SAMSN1: variants seen among roughly 807,000 people sequenced by gnomAD.
SAMSN1 encodes the protein SAM domain-containing protein SAMSN-1.
In SAMSN1, 31 loss-of-function variants were observed where a neutral mutation model predicts 42.0. The ratio of observed to expected loss-of-function variants is 0.74; its 90% CI spans 0.55 to 1.00. The LOEUF is 1.00. Ranked by LOEUF, SAMSN1 falls within the 50% of genes least tolerant of loss-of-function variation. The pLI is 0.00. For synonymous variants in SAMSN1, 178 were observed against 151.9 expected (o/e 1.17, Z -1.26); for missense variants, 464 against 439.4 (o/e 1.06, Z -0.50).
intron 2 of SAMSN1, among the ~76,000 whole-genome samples, chr21:14,570,494 A>G (rs1246323888): frequency 6.6e-6 from 1 of 152,204 alleles, no homozygotes; most frequent in Non-Finnish European, 1.5e-5. Flanking sequence ...TAAAAATTAA[A>G]GGACAGATTT....
chr21:14,592,012 A>G (rs1982100729), intron 7 of SAMSN1: 1 of 152,158 alleles, frequency 6.6e-6, no homozygotes, highest in Non-Finnish European at 1.5e-5. Flanking sequence ...ACTGACCTAT[A>G]GCTTTGGGTC....
chr21:14,591,328 A>G (rs1421161413), intron 7 of SAMSN1: 2 of 152,172 alleles, frequency 1.3e-5, no homozygotes, highest in Admixed American at 6.5e-5. Flanking sequence ...TCAGATGAGG[A>G]CCTAATTTAT....
upstream of SAMSN1, among the ~76,000 whole-genome samples, chr21:14,584,982 G>T (rs1449376077): frequency 3.9e-5 from 6 of 152,102 alleles, no homozygotes; most frequent in African/African-American, 1.4e-4. Context: ...ATCTGTCTCT[G>T]CAAAATAGCA....
rs201408472 is a variant in SAMSN1, at chr21:14,614,498, C to CT, written c.197+1477dup. ...GTGGGTAAACACACATATCTCATCA[C>CT]TAACTGTTACAGCTTAAGTGTTTCC... On this transcript the variant is annotated intron_variant, in intron 3 of 15. Coordinates refer to the SAMSN1 transcript ENST00000647101. 3.9e-3 allele frequency among the ~76,000 whole-genome samples: 596 copies of CT among 152,192 alleles called. 1 individual carries two copies. Among genetic ancestry groups the CT allele is most frequent in the African/African-American group, 0.014 (565 of 41,508 alleles).
rs567753740 is a variant in SAMSN1 at position 14,498,658 on chromosome 21, A to C, written c.769-66T>G. On this transcript the variant is annotated intron_variant, in intron 6 of 7. Transcript: ENST00000400566. ...ATATTTTATTTTTAGTTCTCTTTAG[A>C]TTTAAAGAAAGTATAGAGATGCACA... is the stretch of plus-strand genomic sequence containing the variant. 11 of 1,336,540 alleles carry C rather than the reference A, an allele frequency of 8.2e-6. No homozygotes were observed. In the African/African-American group the frequency reaches 1.7e-4, roughly 20 times the overall value. 82.8% of individuals were successfully genotyped at this position (1,336,540 alleles called of 1,614,324 possible). A position where few individuals can be genotyped will look rare whatever the true frequency, so the allele number is the denominator to read the frequency against.
intron 5 of SAMSN1, among the ~76,000 whole-genome samples, chr21:14,606,145 G>A (rs1257564802): frequency 6.6e-6 from 1 of 152,000 alleles, no homozygotes; most frequent in Admixed American, 6.6e-5. Flanking sequence ...CGGTCAAGAA[G>A]ATTTATTTTT....
At chr21:14,493,755 T>C (rs1238893019) in intron 7 of SAMSN1, among the ~76,000 whole-genome samples, 1 of 152,204 alleles carries the variant, frequency 6.6e-6, no homozygotes, top group Non-Finnish European at 1.5e-5. Flanking sequence ...GAGCTGCATC[T>C]CACTCCAATT....
chr21:14,527,994 T>C (rs1225712497), intron 1 of SAMSN1, among the ~76,000 whole-genome samples: 2 of 152,130 alleles, frequency 1.3e-5, no homozygotes, highest in African/African-American at 4.8e-5. Context: ...TTAAATAATA[T>C]TTTGATATGT....
intron 1 of SAMSN1, among the ~76,000 whole-genome samples, chr21:14,644,691 A>T (rs1168539112): frequency 6.6e-6 from 1 of 152,120 alleles, no homozygotes; most frequent in Admixed American, 6.5e-5. Flanking sequence ...GCACAGCCAC[A>T]TGGGGGTAGA....
At chr21:14,548,142 A>G (rs1329189758), upstream of SAMSN1, among the ~76,000 whole-genome samples, 1 of 152,184 alleles carries the variant, frequency 6.6e-6, no homozygotes, top group Non-Finnish European at 1.5e-5. Flanking sequence ...TGCACCCTCG[A>G]CACCCTCTTT....
At chr21:14,491,718 T>C (rs1324351133) in intron 7 of SAMSN1, among the ~76,000 whole-genome samples, 1 of 152,208 alleles carries the variant, frequency 6.6e-6, no homozygotes, top group Non-Finnish European at 1.5e-5. Flanking sequence ...CCTTGTCACA[T>C]GAATTTTGTG....
intron 6 of SAMSN1, 129 bp from the exon 7 acceptor site, chr21:14,498,721 T>A: frequency 1.6e-6 from 1 of 608,934 alleles, no homozygotes; most frequent in Non-Finnish European, 2.7e-6. Flanking sequence ...TTACTTAACT[T>A]CACTTGTATT....
chr21:14,529,164 T>C (rs1341068871), intron 1 of SAMSN1, among the ~76,000 whole-genome samples: 1 of 152,244 alleles, frequency 6.6e-6, no homozygotes, highest in Non-Finnish European at 1.5e-5. Flanking sequence ...TCCTACTGTT[T>C]TTTATTCAAG....
At chr21:14,535,009 T>C (rs889474380) in intron 1 of SAMSN1, among the ~76,000 whole-genome samples, 1 of 152,062 alleles carries the variant, frequency 6.6e-6, no homozygotes, top group Non-Finnish European at 1.5e-5. Context: ...ATTCATGAGT[T>C]GGAAAAAAAG....
At chr21:14,633,171 ATGT>A (rs1189623702) in intron 2 of SAMSN1, among the ~76,000 whole-genome samples, 1 of 151,912 alleles carries the variant, frequency 6.6e-6, no homozygotes, top group Non-Finnish European at 1.5e-5. Flanking sequence ...ACCAGTCTAG[ATGT>A]TGCTCTCTCT....
In SAMSN1 at chr21:14,505,155, C is replaced by T. The variant is rs181608879; in HGVS notation, c.562-4420G>A. ...TCTTTGAAGCATAAATCTCACAGGACCTATCAAACAAAAATACAATTTAAA... is the reference window on the plus strand; with the variant it reads ...TCTTTGAAGCATAAATCTCACAGGATCTATCAAACAAAAATACAATTTAAA... On this transcript the variant is annotated intron_variant, in intron 5 of 7. Transcript: ENST00000400566. Among the ~76,000 whole-genome samples, 61 of 152,048 alleles carry T rather than the reference C, an allele frequency of 4.0e-4. No homozygotes were observed. The East Asian group carries it at 0.011, about 28-fold the overall frequency.
intron 2 of SAMSN1, among the ~76,000 whole-genome samples, chr21:14,572,317 G>C (rs1216374748): frequency 6.6e-6 from 1 of 152,072 alleles, no homozygotes; most frequent in Non-Finnish European, 1.5e-5. Flanking sequence ...TGGTAGATAA[G>C]AAACTGAAAC....
upstream of SAMSN1, among the ~76,000 whole-genome samples, chr21:14,549,501 T>A (rs566460956): frequency 2.8e-4 from 42 of 152,172 alleles, no homozygotes; most frequent in Middle Eastern, 3.4e-3. Flanking sequence ...TGCCTCTGTG[T>A]ATTGCTGGGT....
chr21:14,648,870 C>T (rs1271724541), intron 1 of SAMSN1, among the ~76,000 whole-genome samples: 2 of 151,984 alleles, frequency 1.3e-5, no homozygotes, highest in East Asian at 3.9e-4. Context: ...GGTGATTCCT[C>T]AGGGATCTAG....
Sources: allele counts gnomAD v4.1 joint callset (sites outside exome capture counted in the v4.1 genomes callset), GRCh38; gene constraint gnomAD v4.1.1; transcripts MANE v1.5; gene names NCBI Gene and HGNC (gene_info 2026-07-23, HGNC 2026-07-21).